TAX1BP1: variants seen among roughly 807,000 people sequenced by gnomAD.
The protein encoded by TAX1BP1 is Tax1 binding protein 1.
A neutral mutation model predicts 97.7 loss-of-function variants in TAX1BP1; 62 were observed. The ratio of observed to expected loss-of-function variants is 0.63; its 90% CI spans 0.52 to 0.78. The LOEUF (loss-of-function observed/expected upper bound fraction) is 0.78, where lower values mean the gene tolerates loss of function less well. TAX1BP1 is among the 30% of genes least tolerant of loss of function. The pLI is 0.00. For missense variants in TAX1BP1, 867 were observed against 916.1 expected, an observed-to-expected ratio of 0.95 and a Z score of 0.69; for synonymous variants, 340 against 304.2, an observed-to-expected ratio of 1.12 and a Z score of -1.23.
intron 2 of TAX1BP1, among the ~76,000 whole-genome samples, chr7:27,757,035 G>C (rs1373328449): frequency 6.6e-6 from 1 of 151,966 alleles, no homozygotes; most frequent in Admixed American, 6.6e-5. Flanking sequence ...CTTCTTACTG[G>C]GTTTGTAACC....
At chr7:27,817,099 G>T (rs568731759) in intron 15 of TAX1BP1, 61 bp downstream of exon 15, 22 of 1,568,346 alleles carry the variant, frequency 1.4e-5, no homozygotes, top group Non-Finnish European at 1.6e-5. Context: ...TATGTAGAGA[G>T]TTAAGGGTAT....
At chr7:27,799,892 C>G (rs1016229706) in intron 12 of TAX1BP1, 73 bp from the exon 13 acceptor site, 1 of 1,247,254 alleles carries the variant, frequency 8.0e-7, no homozygotes, top group Non-Finnish European at 1.1e-6. Flanking sequence ...CAGCCCATAT[C>G]TAAGTACATT....
chr7:27,803,000 G>C, intron 13 of TAX1BP1: 1 of 1,052,966 alleles, frequency 9.5e-7, no homozygotes, highest in South Asian at 2.4e-5. Flanking sequence ...AAAATACGTG[G>C]ATTTAGTAAT....
chr7:27,766,436 A>ATCG (rs1394687878), intron 4 of TAX1BP1, among the ~76,000 whole-genome samples: 2 of 28,364 alleles, frequency 7.1e-5, no homozygotes, highest in Non-Finnish European at 1.6e-4. Flanking sequence ...AAAAAAAAAA[A>ATCG]AAAAAAAAAA....
At chr7:27,753,840 T>G (rs1410656605) in intron 2 of TAX1BP1, among the ~76,000 whole-genome samples, 3 of 152,232 alleles carry the variant, frequency 2.0e-5, no homozygotes, top group African/African-American at 7.2e-5. Flanking sequence ...TCACTTATTT[T>G]GGGGTCTTGG....
intron 1 of TAX1BP1, among the ~76,000 whole-genome samples, chr7:27,746,720 C>CT (rs10588942): frequency 6.6e-6 from 1 of 151,622 alleles, no homozygotes; most frequent in South Asian, 2.1e-4. Flanking sequence ...TGAATATACT[C>CT]TTTATCTTGG....
At chr7:27,804,338 C>T (rs1790253793) in intron 13 of TAX1BP1, among the ~76,000 whole-genome samples, 1 of 152,220 alleles carries the variant, frequency 6.6e-6, no homozygotes, top group African/African-American at 2.4e-5. Flanking sequence ...TTTTTCAACT[C>T]ATCACTTTTT....
rs80206836 is a variant in TAX1BP1 at position 27,777,706 on chromosome 7, G to A, written c.613-7457G>A. 2.2e-3 allele frequency among the ~76,000 whole-genome samples: 339 copies of A among 152,258 alleles called. 6 individuals carry two copies. The highest frequency in any genetic ancestry group is 0.016 in the Admixed American group (242 of 15,292). On this transcript the variant is annotated intron_variant, in intron 5 of 16. Coordinates refer to ENST00000396319, the MANE Select transcript of TAX1BP1 (RefSeq NM_006024.7). ...TCTCCTTAGCTTTCCTAGACTCTCA[G>A]TTTCTCTCCATAACTCAGGGAGACC...
At chr7:27,777,593 T>C (rs1789079355) in intron 5 of TAX1BP1, among the ~76,000 whole-genome samples, 1 of 152,160 alleles carries the variant, frequency 6.6e-6, no homozygotes, top group Non-Finnish European at 1.5e-5. Flanking sequence ...TGATCACTAA[T>C]CAGCTCAAGA....
intron 2 of TAX1BP1, 36 bp from the exon 3 acceptor site, chr7:27,757,995 G>T: frequency 7.2e-7 from 1 of 1,388,100 alleles, no homozygotes; most frequent in Non-Finnish European, 1.0e-6. Context: ...TAAACTATTT[G>T]CTTATAAATC....
intron 12 of TAX1BP1, among the ~76,000 whole-genome samples, chr7:27,799,466 T>C (rs1790052631): frequency 6.6e-6 from 1 of 152,176 alleles, no homozygotes; most frequent in Admixed American, 6.5e-5. Flanking sequence ...ATTATAAATA[T>C]GACTTTATTT....
chr7:27,740,360 CT>C (rs972735055), intron 1 of TAX1BP1, 91 bp downstream of exon 1: 22 of 152,404 alleles, frequency 1.4e-4, no homozygotes, highest in African/African-American at 5.3e-4. Context: ...CCTTCAGCCC[CT>C]GTACTGTAGG....
chr7:27,784,629 G>C (rs1789397934), intron 5 of TAX1BP1, among the ~76,000 whole-genome samples: 1 of 152,020 alleles, frequency 6.6e-6, no homozygotes, highest in Non-Finnish European at 1.5e-5. Flanking sequence ...TTTCTTGCCT[G>C]CCCCCTGGTG....
intron 3 of TAX1BP1, among the ~76,000 whole-genome samples, chr7:27,763,347 G>A (rs1788500995): frequency 6.6e-6 from 1 of 152,108 alleles, no homozygotes; most frequent in Admixed American, 6.5e-5. Flanking sequence ...TTTATTTTCA[G>A]TATCCATCTG....
intron 15 of TAX1BP1, among the ~76,000 whole-genome samples, chr7:27,820,145 C>A (rs1191416372): frequency 6.6e-6 from 1 of 152,230 alleles, no homozygotes; most frequent in Non-Finnish European, 1.5e-5. Flanking sequence ...AGATTATTAT[C>A]TCTTCCCTTA....
At chr7:27,752,188 T>G (rs190920518) in intron 2 of TAX1BP1, among the ~76,000 whole-genome samples, 3 of 85,754 alleles carry the variant, frequency 3.5e-5, no homozygotes, top group Admixed American at 2.9e-4. Context: ...GAGAAGGAAG[T>G]AAGTTGTGTG....
At chr7:27,790,206 A>G (rs565153946) in intron 8 of TAX1BP1, among the ~76,000 whole-genome samples, 4 of 152,098 alleles carry the variant, frequency 2.6e-5, no homozygotes, top group East Asian at 1.9e-4. Context: ...ATCTTGCACT[A>G]TGATACACAT....
At chr7:27,822,904 T>G (rs1308837563) in intron 15 of TAX1BP1, among the ~76,000 whole-genome samples, 1 of 152,212 alleles carries the variant, frequency 6.6e-6, no homozygotes, top group Non-Finnish European at 1.5e-5. Context: ...GTAAGGGCTT[T>G]ATAGTTTTAG....
In TAX1BP1 at chr7:27,787,557, A is replaced by C; in HGVS notation, c.992A>C (p.Glu331Ala). The C allele has an allele frequency of 4.3e-6, 7 of 1,612,956 alleles. No individual in the cohort carries two copies. Among genetic ancestry groups the C allele is most frequent in the Non-Finnish European group, 5.9e-6 (7 of 1,179,484 alleles). ...EIGRLQLCLA[E>A]KENLQRTFLL... ...GGCAGGCTGCAGTTATGTTTGGCTG[A>C]AAAGGAAAATCTGCAAAGAACTTTC... Residue 331 changes from glutamate to alanine, a missense_variant, in exon 8 of 17, where the codon GAA becomes GCA. Around this residue, in one of 3 missense-constraint regions of TAX1BP1, gnomAD observed 822 missense variants for 851.4 expected, o/e 0.97. Transcript: ENST00000396319.
Sources: gnomAD v4.1 joint callset for allele counts (sites outside exome capture counted in the v4.1 genomes callset) on GRCh38, gnomAD v4.1.1 for gene constraint, gnomAD v4.1.1 regional missense constraint, MANE v1.5 for transcripts, NCBI Gene and HGNC (gene_info 2026-07-23, HGNC 2026-07-21) for gene names.